Variants in RPS6KA2 observed in about 807,000 individuals in gnomAD.
The protein encoded by RPS6KA2 is ribosomal protein S6 kinase alpha-2.
A neutral mutation model predicts 91.8 loss-of-function variants in RPS6KA2; 42 were observed. The observed-to-expected ratio is 0.46, with a 90% CI of 0.36 to 0.59. The LOEUF is 0.59. RPS6KA2 is among the 20% of genes least tolerant of loss of function. The pLI is 0.00. For missense variants in RPS6KA2, 798 were observed against 978.5 expected, an observed-to-expected ratio of 0.82 and a Z score of 2.46; for synonymous variants, 414 against 393.6, an observed-to-expected ratio of 1.05 and a Z score of -0.61.
chr6:166,484,612 A>G lies in RPS6KA2; in HGVS notation c.907+4221T>C, dbSNP rs187409526. 2.0e-3 allele frequency among the ~76,000 whole-genome samples: 310 copies of G among 152,284 alleles called. 4 individuals carry two copies. The highest frequency in any genetic ancestry group is 7.0e-3 in the African/African-American group (291 of 41,564). On this transcript the variant is annotated intron_variant, in intron 10 of 20. Coordinates refer to ENST00000265678, the MANE Select transcript of RPS6KA2 (RefSeq NM_021135.6). ...TGATTCCAGGAGGTGTTGTAGCCGC[A>G]TTGCCATCACAAGGCACCGAGGATA... is the stretch of plus-strand genomic sequence containing the variant.
chr6:166,436,995 G>A (rs987469308), intron 14 of RPS6KA2, among the ~76,000 whole-genome samples: 1 of 152,152 alleles, frequency 6.6e-6, no homozygotes, highest in Non-Finnish European at 1.5e-5. Flanking sequence ...AGGAAGTGCT[G>A]GCTGCTTTTC....
At chr6:166,680,187 G>A (rs946701983) in intron 2 of RPS6KA2, among the ~76,000 whole-genome samples, 6 of 151,924 alleles carry the variant, frequency 3.9e-5, no homozygotes, top group African/African-American at 1.5e-4. Context: ...AATCTGGTGG[G>A]GACTTGGAGA....
chr6:166,633,232 A>C (rs1408760515), intron 2 of RPS6KA2, among the ~76,000 whole-genome samples: 1 of 152,188 alleles, frequency 6.6e-6, no homozygotes, highest in Non-Finnish European at 1.5e-5. Context: ...AAACACCAAA[A>C]ACCAAAAAAC....
At chr6:166,530,631 G>A (rs757133086) in intron 3 of RPS6KA2, among the ~76,000 whole-genome samples, 20 of 152,226 alleles carry the variant, frequency 1.3e-4, no homozygotes, top group Non-Finnish European at 2.8e-4. Context: ...CCAACACAGT[G>A]AATAGGAGGT....
At chr6:166,586,623 C>T (rs1317479149) in intron 1 of RPS6KA2, 49 of 687,774 alleles carry the variant, frequency 7.1e-5, no homozygotes, top group Non-Finnish European at 1.1e-4. Flanking sequence ...TGGTCCACTA[C>T]ACCGTGGAAC....
chr6:166,739,509 A>G (rs1318767276), intron 2 of RPS6KA2, among the ~76,000 whole-genome samples: 1 of 152,258 alleles, frequency 6.6e-6, no homozygotes, highest in South Asian at 2.1e-4. Flanking sequence ...GAGCTCACAG[A>G]GCAGGCTGGG....
chr6:166,770,868 CGGAT>C lies in RPS6KA2; in HGVS notation c.123+87328_123+87331del. 1.3e-6 allele frequency: 2 copies of C among 1,596,006 alleles called. No homozygotes were observed. Among genetic ancestry groups the C allele is most frequent in the Non-Finnish European group, 1.7e-6 (2 of 1,179,246 alleles). ...CCCACAGGAACGCTTCTTACCTCTA[CGGAT>C]CCAGCTACCTTTGTCTTGCAGGCAG... On this transcript the variant is annotated intron_variant, in intron 2 of 21. Transcript: ENST00000503859. The surrounding 1 kb of genome is among the most constrained non-coding windows in gnomAD (Gnocchi z 5.1).
chr6:166,755,580 C>T (rs1216325202), intron 2 of RPS6KA2, among the ~76,000 whole-genome samples: 1 of 152,128 alleles, frequency 6.6e-6, no homozygotes, highest in Admixed American at 6.5e-5. Context: ...CCAGGCCCAC[C>T]TTCCGCAGGG....
intron 2 of RPS6KA2, among the ~76,000 whole-genome samples, chr6:166,691,527 G>T (rs1789206461): frequency 6.6e-6 from 1 of 152,014 alleles, no homozygotes; most frequent in Non-Finnish European, 1.5e-5. Context: ...CGGTTTTCAG[G>T]GTACTGTGCT....
chr6:166,759,393 C>T (rs959470739), intron 2 of RPS6KA2, among the ~76,000 whole-genome samples: 2 of 152,194 alleles, frequency 1.3e-5, no homozygotes, highest in Admixed American at 6.5e-5. Flanking sequence ...ACGGTTTGTT[C>T]ACAGGCCAAG....
At chr6:166,420,530 TA>T (rs1778686655) in intron 17 of RPS6KA2, among the ~76,000 whole-genome samples, 1 of 152,200 alleles carries the variant, frequency 6.6e-6, no homozygotes, top group Non-Finnish European at 1.5e-5. Context: ...CCATTTCACT[TA>T]GTATAACACC....
At chr6:166,765,429 C>T (rs1250934157) in intron 2 of RPS6KA2, among the ~76,000 whole-genome samples, 1 of 152,218 alleles carries the variant, frequency 6.6e-6, no homozygotes, top group African/African-American at 2.4e-5. Context: ...TCCCTGCTGC[C>T]CGCTTAGTGT....
chr6:166,428,686 C>T (rs2128444472), intron 16 of RPS6KA2, among the ~76,000 whole-genome samples: 1 of 151,602 alleles, frequency 6.6e-6, no homozygotes, highest in South Asian at 2.1e-4. Flanking sequence ...TTTATGCAGC[C>T]AAAAAACACA....
At chr6:166,609,164 A>G (rs1290204045) in intron 1 of RPS6KA2, among the ~76,000 whole-genome samples, 1 of 152,194 alleles carries the variant, frequency 6.6e-6, no homozygotes, top group Non-Finnish European at 1.5e-5. Flanking sequence ...CAGACTTTAG[A>G]CTTCTGGTTT....
chr6:166,741,822 G>C (rs1402034188), intron 2 of RPS6KA2, among the ~76,000 whole-genome samples: 2 of 152,130 alleles, frequency 1.3e-5, no homozygotes, highest in Non-Finnish European at 1.5e-5. Context: ...TACCAGCCCT[G>C]ACAGCTGCCT....
chr6:166,783,575 T>C (rs1437616653), intron 2 of RPS6KA2, among the ~76,000 whole-genome samples: 6 of 151,244 alleles, frequency 4.0e-5, no homozygotes, highest in Admixed American at 3.9e-4. Flanking sequence ...TAAAATTTCA[T>C]ATATACACAT....
intron 3 of RPS6KA2, 144 bp downstream of exon 3, chr6:166,531,088 T>G: frequency 1.5e-6 from 1 of 680,158 alleles, no homozygotes; most frequent in South Asian, 1.7e-5. Flanking sequence ...TTATACTGTT[T>G]ATTATCAATC....
chr6:166,835,575 A>G (rs1177392224), intron 2 of RPS6KA2, among the ~76,000 whole-genome samples: 1 of 152,236 alleles, frequency 6.6e-6, no homozygotes, highest in Non-Finnish European at 1.5e-5. Flanking sequence ...GAAATAAAAA[A>G]TTGACTTTGG....
At chr6:166,561,808 C>G (rs747992190) in intron 1 of RPS6KA2, among the ~76,000 whole-genome samples, 7 of 152,030 alleles carry the variant, frequency 4.6e-5, no homozygotes, top group Admixed American at 2.0e-4. Context: ...GTTGGACAAG[C>G]CTGGTTTACA....
Sources: allele counts gnomAD v4.1 joint callset (sites outside exome capture counted in the v4.1 genomes callset), GRCh38; gene constraint gnomAD v4.1.1; non-coding constraint Gnocchi (gnomAD v3.1); transcripts MANE v1.5; gene names NCBI Gene and HGNC (gene_info 2026-07-23, HGNC 2026-07-21).